The following NIF3L1 variants were observed in gnomAD, a reference collection of about 807,000 sequenced individuals.
The protein encoded by NIF3L1 is NIF3-like protein 1.
NIF3L1 carries 26 observed loss-of-function variants against 35.0 expected under a neutral mutation model. The observed-to-expected ratio is 0.74, with a 90% CI of 0.54 to 1.03. The LOEUF (loss-of-function observed/expected upper bound fraction) is 1.03, where lower values mean the gene tolerates loss of function less well. Ranked by LOEUF, NIF3L1 falls within the 50% of genes least tolerant of loss-of-function variation. The pLI is 0.00. For synonymous variants in NIF3L1, 157 were observed against 178.9 expected (o/e 0.88, Z 0.98); for missense variants, 449 against 466.3 (o/e 0.96, Z 0.34).
At chr2:200,901,083 T>C (rs977195437) in intron 6 of NIF3L1, among the ~76,000 whole-genome samples, 1 of 152,242 alleles carries the variant, frequency 6.6e-6, no homozygotes, top group Non-Finnish European at 1.5e-5. Context: ...GTGTATAGTC[T>C]AAGAACAAAG....
intron 1 of NIF3L1, among the ~76,000 whole-genome samples, chr2:200,891,218 G>A (rs2040186209): frequency 6.6e-6 from 1 of 152,206 alleles, no homozygotes. Flanking sequence ...GCCTCCCAAA[G>A]TGCTGGGATT....
chr2:200,890,869 C>G (rs1382990728), intron 1 of NIF3L1, among the ~76,000 whole-genome samples: 1 of 152,126 alleles, frequency 6.6e-6, no homozygotes, highest in African/African-American at 2.4e-5. Flanking sequence ...CCTTCTTCTG[C>G]CTTGACCCTG....
chr2:200,895,369 G>A lies in NIF3L1; in HGVS notation c.705G>A (p.Thr235=), dbSNP rs970840492. The A allele has an allele frequency of 1.1e-5, 17 of 1,613,870 alleles. No individual in the cohort carries two copies. Among genetic ancestry groups the A allele is most frequent in the East Asian group, 8.9e-5 (4 of 44,848 alleles). ...GGAACAAACAACTTTATCAGAAGAC[G>A]GAAATTCTGTCACTGGAGAAGGTAA... ...LSRNKQLYQK[T]EILSLEKPLL... Residue 235 remains threonine (T), a synonymous_variant, in exon 4 of 7, where the codon ACG becomes ACA. Transcript: ENST00000409020.
intron 6 of NIF3L1, among the ~76,000 whole-genome samples, chr2:200,901,743 C>T (rs1034376042): frequency 3.3e-5 from 5 of 152,172 alleles, no homozygotes; most frequent in Admixed American, 6.5e-5. Flanking sequence ...TCTCCATTTG[C>T]TTATTCTTTC....
chr2:200,891,776 G>C, intron 1 of NIF3L1, 142 bp from the exon 2 acceptor site: 1 of 611,508 alleles, frequency 1.6e-6, no homozygotes, highest in Non-Finnish European at 2.9e-6. Context: ...GCTTACCTAA[G>C]TTACAGTGTG....
At position 200,891,963 on chromosome 2, in the gene NIF3L1, G is replaced by A. The variant is rs755965506; in HGVS notation, c.20G>A (p.Arg7His). Residue 7 changes from arginine to histidine, a missense_variant, in exon 2 of 7, where the codon CGC becomes CAC. By Grantham distance (29) the Arg-to-His change is conservative. Transcript: ENST00000409020. MLSSCVRPVPTTVRFVD... is the reference protein window; with the variant it reads MLSSCVHPVPTTVRFVD... ...TTCTGTATGTTGTCATCTTGCGTAC[G>A]CCCAGTCCCCACGACAGTCCGGTTT... 1.9e-6 allele frequency: 3 copies of A among 1,611,584 alleles called. No individual in the cohort carries two copies. Among genetic ancestry groups the A allele is most frequent in the South Asian group, 2.2e-5 (2 of 90,834 alleles).
At chr2:200,896,908 TTCCTAGAAAACTGTGAAC>T (rs1384126013) in intron 4 of NIF3L1, among the ~76,000 whole-genome samples, 150 bp from the exon 5 acceptor site, 1 of 152,214 alleles carries the variant, frequency 6.6e-6, no homozygotes, top group Non-Finnish European at 1.5e-5. Flanking sequence ...AACATCTGCC[TTCCTAGAAAACTGTGAAC>T]TCCTAGAAGA....
intron 3 of NIF3L1, among the ~76,000 whole-genome samples, chr2:200,894,558 C>T (rs919836687): frequency 6.6e-6 from 1 of 151,712 alleles, no homozygotes; most frequent in South Asian, 2.1e-4. Flanking sequence ...CCGCCCCCCA[C>T]CACGCCCGGC....
At chr2:200,891,644 T>C in intron 1 of NIF3L1, 1 of 366,770 alleles carries the variant, frequency 2.7e-6, no homozygotes, top group Non-Finnish European at 4.9e-6. Context: ...GATGGACGTT[T>C]GTGTATTATG....
chr2:200,891,633 G>T, intron 1 of NIF3L1: 1 of 332,552 alleles, frequency 3.0e-6, no homozygotes, highest in Non-Finnish European at 5.5e-6. Context: ...GCAGGAGATG[G>T]GATGGACGTT....
intron 5 of NIF3L1, among the ~76,000 whole-genome samples, chr2:200,898,194 T>A (rs1475061459): frequency 6.6e-6 from 1 of 152,200 alleles, no homozygotes; most frequent in Non-Finnish European, 1.5e-5. Context: ...TAGTTCGTTC[T>A]CACGCTGCTA....
intron 3 of NIF3L1, 82 bp downstream of exon 3, chr2:200,893,490 G>T (rs1575133053): frequency 1.5e-6 from 2 of 1,340,242 alleles, no homozygotes; most frequent in Non-Finnish European, 2.1e-6. Context: ...TGGTATTTAG[G>T]CTTGAAACAA....
At chr2:200,891,671 G>A in intron 1 of NIF3L1, 1 of 477,232 alleles carries the variant, frequency 2.1e-6, no homozygotes. Flanking sequence ...GCTTTGCTAG[G>A]TTACATAATT....
In NIF3L1 at chr2:200,891,626, G is replaced by A. The variant is rs189369197; in HGVS notation, c.-26-292G>A. 1,411 of 312,126 alleles carry A rather than the reference G, an allele frequency of 4.5e-3. 3 individuals carry two copies. Among genetic ancestry groups the A allele is most frequent in the Non-Finnish European group, 6.4e-3 (1,070 of 168,084 alleles). 19.3% of individuals were successfully genotyped at this position (312,126 alleles called of 1,614,324 possible). On this transcript the variant is annotated intron_variant, in intron 1 of 6. Transcript: ENST00000409020. ...AATAAGAACAAGGGTGTGCAAGGCAGGAGATGGGATGGACGTTTGTGTATT... is the reference window on the plus strand; with the variant it reads ...AATAAGAACAAGGGTGTGCAAGGCAAGAGATGGGATGGACGTTTGTGTATT...
rs1162248606 is a variant in NIF3L1, at chr2:200,903,916, G to C, written c.*238G>C. 7 of 512,302 alleles carry C rather than the reference G, an allele frequency of 1.4e-5. No individual in the cohort carries two copies. The highest frequency in any genetic ancestry group is 2.5e-5 in the Non-Finnish European group (7 of 282,628). 31.7% of individuals were successfully genotyped at this position (512,302 alleles called of 1,614,324 possible). A position where few individuals can be genotyped will look rare whatever the true frequency, so the allele number is the denominator to read the frequency against. On this transcript the variant is annotated 3_prime_UTR_variant, in exon 7 of 7. Transcript: ENST00000409020. ...CTCTAGGAAAGATTGAATAAAATCT[G>C]TTTACTTAACATTCTTTGGAAGGAG...
rs2040241315 is a variant in NIF3L1, at chr2:200,893,417, T to G, written c.599+9T>G. 1 of 1,613,430 alleles carries G rather than the reference T, an allele frequency of 6.2e-7. No homozygotes were observed. Among genetic ancestry groups the G allele is most frequent in the South Asian group, 1.1e-5 (1 of 91,054 alleles). On this transcript the variant is annotated intron_variant, in intron 3 of 6. Transcript: ENST00000409020. Reference sequence around the variant, plus strand: ...ACTTCTTTTTCTGCTAGGTACAATTTATTTTTCTCTTTTTTTTGTGTGTAT... The same window carrying G: ...ACTTCTTTTTCTGCTAGGTACAATTGATTTTTCTCTTTTTTTTGTGTGTAT...
intron 3 of NIF3L1, among the ~76,000 whole-genome samples, chr2:200,894,636 G>A (rs1406580274): frequency 6.6e-6 from 1 of 151,170 alleles, no homozygotes; most frequent in Non-Finnish European, 1.5e-5. Context: ...TTGAACTCCT[G>A]ATCTCAGGTA....
Position 200,899,367 on chromosome 2 carries a change from G to C in NIF3L1, c.866-18G>C. ...GGGAATTGTAAAGTATTGGTCTCTT[G>C]TTTCCTCTGTTTTGAAGAGTCTCAA... On this transcript the variant is annotated intron_variant, in intron 5 of 6. Transcript: ENST00000409020. 6.2e-7 allele frequency: 1 copy of C among 1,600,814 alleles called. No individual in the cohort carries two copies. The highest frequency in any genetic ancestry group is 8.6e-7 in the Non-Finnish European group (1 of 1,168,400).
intron 3 of NIF3L1, among the ~76,000 whole-genome samples, chr2:200,893,726 G>C (rs1006576459): frequency 1.3e-5 from 2 of 152,116 alleles, no homozygotes; most frequent in Admixed American, 1.3e-4. Context: ...CTAGTGATGT[G>C]GTGATAAGGC....
Sources: allele counts gnomAD v4.1 joint callset (sites outside exome capture counted in the v4.1 genomes callset), GRCh38; gene constraint gnomAD v4.1.1; transcripts MANE v1.5; gene names NCBI Gene and HGNC (gene_info 2026-07-23, HGNC 2026-07-21).